Variants in SNAI3 observed in about 807,000 individuals in gnomAD.
SNAI3 encodes the protein snail family transcriptional repressor 3, also known as zinc finger protein SNAI3.
SNAI3 carries 21 observed loss-of-function variants against 16.4 expected under a neutral mutation model. The observed-to-expected ratio is 1.28, with a 90% CI of 0.91 to 1.85. The LOEUF (loss-of-function observed/expected upper bound fraction) is 1.85. Among genes scored for constraint, SNAI3 ranks in the 40% most tolerant of loss-of-function variants. The probability of loss-of-function intolerance (pLI) is 0.00; values close to 1 mark genes in which losing one functional copy is unlikely to be tolerated. For missense variants in SNAI3, 457 were observed against 372.8 expected (o/e 1.23, Z -1.86); for synonymous variants, 202 against 166.6 (o/e 1.21, Z -1.64).
intron 1 of SNAI3, among the ~76,000 whole-genome samples, chr16:88,684,539 A>G (rs929840072): frequency 1.3e-5 from 2 of 152,188 alleles, no homozygotes; most frequent in African/African-American, 4.8e-5. Flanking sequence ...TCTGTCGCCC[A>G]GGTTGGAGTG....
In SNAI3 at chr16:88,678,238, G is replaced by C; in HGVS notation, c.*210C>G. On this transcript the variant is annotated 3_prime_UTR_variant, in exon 3 of 3. Transcript: ENST00000332281. ...CGGGAGAGGAGTCTCCTCTGAGTGGGCTCCGCGCGGTGGGATGCCTGGGGG... is the reference window on the plus strand; with the variant it reads ...CGGGAGAGGAGTCTCCTCTGAGTGGCCTCCGCGCGGTGGGATGCCTGGGGG... 1 of 549,150 alleles carries C rather than the reference G, an allele frequency of 1.8e-6. No individual in the cohort carries two copies. Among genetic ancestry groups the C allele is most frequent in the South Asian group, 2.3e-5 (1 of 43,488 alleles). The allele number at this position is 549,150 out of a possible 1,614,324, so 34.0% of individuals were successfully genotyped here. A position where few individuals can be genotyped will look rare whatever the true frequency, so the allele number is the denominator to read the frequency against.
chr16:88,680,608 T>G (rs1909133686), intron 2 of SNAI3, among the ~76,000 whole-genome samples: 1 of 151,878 alleles, frequency 6.6e-6, no homozygotes, highest in South Asian at 2.1e-4. Flanking sequence ...TGTTTTGTTT[T>G]TTTGTTTTGA....
chr16:88,678,530 C>G lies in SNAI3; in HGVS notation c.797G>C (p.Arg266Pro), dbSNP rs1416771048. The change falls in exon 3 of 3, where the codon CGG becomes CCG. Residue 266 changes from arginine (R) to proline (P), a missense_variant. Arg to Pro is a moderately radical substitution (Grantham distance 103). Coordinates refer to ENST00000332281, the MANE Select transcript of SNAI3 (RefSeq NM_178310.4). ...LQTHSDAKKY[R>P]CRRCTKTFSR... Reference sequence around the variant, plus strand: ...GAAGGTCTTGGTGCAGCGCCGGCACCGGTACTTCTTGGCGTCTGAGTGCGT... The same window carrying G: ...GAAGGTCTTGGTGCAGCGCCGGCACGGGTACTTCTTGGCGTCTGAGTGCGT... 1 of 795,156 alleles carries G rather than the reference C, an allele frequency of 1.3e-6. No homozygotes were observed. Among genetic ancestry groups the G allele is most frequent in the Non-Finnish European group, 2.3e-6 (1 of 433,100 alleles). The allele number at this position is 795,156 out of a possible 1,614,324, so 49.3% of individuals were successfully genotyped here. A position where few individuals can be genotyped will look rare whatever the true frequency, so the allele number is the denominator to read the frequency against.
rs747862987 is a variant in SNAI3 at position 88,686,360 on chromosome 16, G to A, written c.47C>T (p.Pro16Leu). The change falls in exon 1 of 3, where the codon CCC becomes CTC. Residue 16 changes from proline to leucine, a missense_variant. Pro to Leu is a moderately conservative substitution (Grantham distance 98). Transcript: ENST00000332281. ...CTGCGTCTCCAGCCGCCGGTAGTTG[G>A]GGACCCTGTGGCTGGAGTGCGTTTT... Reference protein sequence around the residue: ...LVKTHSSHRVPNYRRLETQRE... With the variant: ...LVKTHSSHRVLNYRRLETQRE... 6.2e-7 allele frequency: 1 copy of A among 1,612,468 alleles called. No homozygotes were observed. The highest frequency in any genetic ancestry group is 8.5e-7 in the Non-Finnish European group (1 of 1,179,708).
chr16:88,679,080 C>T, intron 2 of SNAI3: 2 of 985,424 alleles, frequency 2.0e-6, no homozygotes, highest in Non-Finnish European at 2.4e-6. Flanking sequence ...TGGCCCAACA[C>T]CTGTAAAGGG....
rs369919248 is a variant in SNAI3, at chr16:88,686,447, G to T, written c.-41C>A. 3.0e-5 allele frequency: 48 copies of T among 1,596,382 alleles called. No individual in the cohort carries two copies. The South Asian group carries it at 4.2e-4, about 14-fold the overall frequency. On this transcript the variant is annotated 5_prime_UTR_variant, in exon 1 of 3. Transcript: ENST00000332281. ...GGCAGGCCGGGGTGGGCTGGGGCGG[G>T]AGGGGCGCGCCTGGGTCCGGACTGC...
chr16:88,683,219 A>G (rs1006801673), intron 1 of SNAI3, among the ~76,000 whole-genome samples: 7 of 150,892 alleles, frequency 4.6e-5, no homozygotes, highest in African/African-American at 1.2e-4. Context: ...CAGACTCCCA[A>G]GTAGCTGGGA....
chr16:88,686,310 C>G, intron 1 of SNAI3, 21 bp downstream of exon 1: 1 of 1,607,966 alleles, frequency 6.2e-7, no homozygotes, highest in Non-Finnish European at 8.5e-7. Flanking sequence ...GGCAGGGGCT[C>G]GGGGATCGGG....
At chr16:88,683,386 G>T (rs1377223880) in intron 1 of SNAI3, among the ~76,000 whole-genome samples, 2 of 149,692 alleles carry the variant, frequency 1.3e-5, no homozygotes, top group Non-Finnish European at 3.0e-5. Context: ...CTCCCAAGTA[G>T]CTGGGATTAC....
rs1909164142 is a variant in SNAI3 at position 88,681,422 on chromosome 16, C to T, written c.369G>A (p.Arg123=). The T allele has an allele frequency of 6.2e-7, 1 of 1,608,910 alleles. No individual in the cohort carries two copies. Residue 123 remains arginine, a synonymous_variant, in exon 2 of 3, where the codon CGG becomes CGA. Transcript: ENST00000332281. This position sits in a 1 kb window ranked among gnomAD's most constrained non-coding sequence, Gnocchi z 5.4. ...GGTCTGGGCCCAAGGTCGGGGACCA[C>T]CGTGTGGGCAGCACCAGCAGTGGGG... ...NLPPLLVLPT[R]WSPTLGPDRH...
At chr16:88,684,021 A>G (rs935651920) in intron 1 of SNAI3, among the ~76,000 whole-genome samples, 3 of 152,176 alleles carry the variant, frequency 2.0e-5, no homozygotes, top group African/African-American at 7.2e-5. Flanking sequence ...TGCTGTGAGG[A>G]TGAGGAGGAA....
At chr16:88,679,761 C>CAAAAAAAA (rs567387152) in intron 2 of SNAI3, among the ~76,000 whole-genome samples, 14 of 68,356 alleles carry the variant, frequency 2.0e-4, no homozygotes, top group East Asian at 4.8e-4. Context: ...GACTCTGTCT[C>CAAAAAAAA]AAAAAAAAAA....
intron 1 of SNAI3, chr16:88,685,466 G>A (rs1042115730): frequency 6.6e-6 from 1 of 152,300 alleles, no homozygotes; most frequent in Admixed American, 6.5e-5. Flanking sequence ...CGGCCACAGA[G>A]CGTGAGTCCC....
At position 88,681,406 on chromosome 16, in the gene SNAI3, C is replaced by G; in HGVS notation, c.385G>C (p.Gly129Arg). The G allele has an allele frequency of 1.9e-6, 3 of 1,611,406 alleles. No individual in the cohort carries two copies. The highest frequency in any genetic ancestry group is 2.5e-6 in the Non-Finnish European group (3 of 1,178,380). ...VLPTRWSPTLGPDRHGAPEKL... is the reference protein window; with the variant it reads ...VLPTRWSPTLRPDRHGAPEKL... ...TCCGGAGCCCCGTGCCGGTCTGGGCCCAAGGTCGGGGACCACCGTGTGGGC... is the reference window on the plus strand; with the variant it reads ...TCCGGAGCCCCGTGCCGGTCTGGGCGCAAGGTCGGGGACCACCGTGTGGGC... Residue 129 changes from glycine to arginine, a missense_variant, in exon 2 of 3, where the codon GGC becomes CGC. By Grantham distance (125) the Gly-to-Arg change is moderately radical (BLOSUM62 -2). Transcript: ENST00000332281. The surrounding 1 kb of genome is among the most constrained non-coding windows in gnomAD (Gnocchi z 5.4).
intron 1 of SNAI3, among the ~76,000 whole-genome samples, chr16:88,682,853 T>C (rs12929576): frequency 0.67 from 97,370 of 144,794 alleles, 32,695 homozygotes; most frequent in East Asian, 0.94. Flanking sequence ...CGGTTCACTG[T>C]AACCTCCACC....
Position 88,681,676 on chromosome 16 carries a change from C to A in SNAI3, c.115G>T (p.Val39Leu), listed in dbSNP as rs946856841. The change falls in exon 2 of 3, where the codon GTG becomes TTG. Residue 39 changes from valine to leucine, a missense_variant. Physicochemically the swap from Val to Leu is conservative, Grantham distance 32 (BLOSUM62 1). Coordinates refer to ENST00000332281, the MANE Select transcript of SNAI3 (RefSeq NM_178310.4). This position sits in a 1 kb window ranked among gnomAD's most constrained non-coding sequence, Gnocchi z 5.4. Reference sequence around the variant, plus strand: ...TCCTTGTCTCGGGGGAGGAGGGGCACCACCAGCCCCCCACAGGCAGAGCAG... The same window carrying A: ...TCCTTGTCTCGGGGGAGGAGGGGCAACACCAGCCCCCCACAGGCAGAGCAG... ...GACSACGGLVVPLLPRDKEAP... is the reference protein window; with the variant it reads ...GACSACGGLVLPLLPRDKEAP... 1 of 1,475,254 alleles carries A rather than the reference C, an allele frequency of 6.8e-7. No homozygotes were observed. 91.4% of individuals were successfully genotyped at this position (1,475,254 alleles called of 1,614,324 possible).
In SNAI3 at chr16:88,681,415, G is replaced by C. The variant is rs778248615; in HGVS notation, c.376C>G (p.Pro126Ala). The change falls in exon 2 of 3, where the codon CCG (proline) becomes GCG (alanine). Residue 126 changes from proline to alanine, a missense_variant. Physicochemically the swap from Pro to Ala is conservative, Grantham distance 27. Coordinates refer to ENST00000332281, the MANE Select transcript of SNAI3 (RefSeq NM_178310.4). This position sits in a 1 kb window ranked among gnomAD's most constrained non-coding sequence, Gnocchi z 5.4. The part of the protein sequence containing the change: ...PLLVLPTRWS[P>A]TLGPDRHGAP... ...CCGTGCCGGTCTGGGCCCAAGGTCGGGGACCACCGTGTGGGCAGCACCAGC... is the reference window on the plus strand; with the variant it reads ...CCGTGCCGGTCTGGGCCCAAGGTCGCGGACCACCGTGTGGGCAGCACCAGC... The C allele has an allele frequency of 1.2e-6, 2 of 1,610,466 alleles. No homozygotes were observed. The highest frequency in any genetic ancestry group is 1.7e-6 in the Non-Finnish European group (2 of 1,177,546).
rs759532819 is a variant in SNAI3, at chr16:88,686,443, G to A, written c.-37C>T. Reference sequence around the variant, plus strand: ...GGGCGGCAGGCCGGGGTGGGCTGGGGCGGGAGGGGCGCGCCTGGGTCCGGA... The same window carrying A: ...GGGCGGCAGGCCGGGGTGGGCTGGGACGGGAGGGGCGCGCCTGGGTCCGGA... On this transcript the variant is annotated 5_prime_UTR_variant, in exon 1 of 3. Transcript: ENST00000332281. 4 of 1,598,134 alleles carry A rather than the reference G, an allele frequency of 2.5e-6. No individual in the cohort carries two copies. Among genetic ancestry groups the A allele is most frequent in the Admixed American group, 1.7e-5 (1 of 59,180 alleles).
In SNAI3 at chr16:88,678,090, G is replaced by A. The variant is rs1036461549; in HGVS notation, c.*358C>T. 3.1e-5 allele frequency: 7 copies of A among 224,082 alleles called. No individual in the cohort carries two copies. Among genetic ancestry groups the A allele is most frequent in the South Asian group, 9.9e-5 (1 of 10,058 alleles). 13.9% of individuals were successfully genotyped at this position (224,082 alleles called of 1,614,324 possible). ...AACTAGGCAGCCTTGCCAGCCATCC[G>A]GCGGCAGTGCCGGCCCATGCTGGCG... On this transcript the variant is annotated 3_prime_UTR_variant, in exon 3 of 3. Transcript: ENST00000332281.
Sources: gnomAD v4.1 joint callset for allele counts (sites outside exome capture counted in the v4.1 genomes callset) on GRCh38, gnomAD v4.1.1 for gene constraint, Gnocchi (gnomAD v3.1) non-coding constraint, MANE v1.5 for transcripts, NCBI Gene and HGNC (gene_info 2026-07-23, HGNC 2026-07-21) for gene names.